Variants in USP49 observed in about 807,000 individuals in gnomAD.
USP49 encodes ubiquitin specific peptidase 49, also known as ubiquitin carboxyl-terminal hydrolase 49.
A neutral mutation model predicts 58.6 loss-of-function variants in USP49; 24 were observed. That is an observed-to-expected ratio of 0.41 (90% CI 0.30 to 0.58). The LOEUF is 0.58. USP49 is among the 20% of genes least tolerant of loss of function. USP49 has a pLI of 0.30. For missense variants in USP49, 703 were observed against 866.1 expected (o/e 0.81, Z 2.36); for synonymous variants, 408 against 365.1 (o/e 1.12, Z -1.34).
In USP49 at chr6:41,846,988, G is replaced by A. The variant is rs528977139; in HGVS notation, c.-29+24576C>T. ...AGGCAGACATCAGGGGGAGCAAGAG[G>A]TCAGAAAAAGGTTGAGAGATCCTGG... On this transcript the variant is annotated intron_variant, in intron 3 of 7. Coordinates refer to ENST00000682992, the MANE Select transcript of USP49 (RefSeq NM_001286554.2). Among the ~76,000 whole-genome samples the A allele has an allele frequency of 5.3e-5, 8 of 152,310 alleles. No homozygotes were observed. In the East Asian group the frequency reaches 1.5e-3, roughly 29 times the overall value.
intron 1 of USP49, among the ~76,000 whole-genome samples, chr6:41,894,847 T>C (rs1456249804): frequency 1.3e-5 from 2 of 151,986 alleles, no homozygotes; most frequent in Non-Finnish European, 2.9e-5. Flanking sequence ...ACTCCTCCTC[T>C]CCCTGGCTTC....
At chr6:41,808,157 G>T (rs1426831357) in intron 3 of USP49, among the ~76,000 whole-genome samples, 1 of 151,980 alleles carries the variant, frequency 6.6e-6, no homozygotes, top group Non-Finnish European at 1.5e-5. Context: ...GAAAGGAAAG[G>T]TAAGTAAAGA....
At position 41,806,277 on chromosome 6, in the gene USP49, G is replaced by A. The variant is rs777062976; in HGVS notation, c.707C>T (p.Pro236Leu). The A allele has an allele frequency of 2.5e-6, 4 of 1,603,374 alleles. No homozygotes were observed. The South Asian group carries it at 4.4e-5, about 18-fold the overall frequency. ...PAALPTSRRV[P>L]AATLKLRRQP... is the part of the protein sequence containing the mutation. ...GCGACGCAGCTTGAGTGTGGCGGCGGGCACTCTGCGTGAGGTAGGGAGGGC... is the reference window on the plus strand; with the variant it reads ...GCGACGCAGCTTGAGTGTGGCGGCGAGCACTCTGCGTGAGGTAGGGAGGGC... The change falls in exon 4 of 8, where the codon CCC becomes CTC. Residue 236 changes from proline (P) to leucine (L), a missense_variant. Pro to Leu is a moderately conservative substitution (Grantham distance 98). Around this residue, in one of 6 missense-constraint regions of USP49, gnomAD observed 376 missense variants for 373.5 expected, o/e 1.01. Transcript: ENST00000682992. The surrounding 1 kb of genome is among the most constrained non-coding windows in gnomAD (Gnocchi z 5.9).
In USP49 at chr6:41,792,934, G is replaced by A. The variant is rs1268510401; in HGVS notation, c.*3599C>T. The stretch of plus-strand genomic sequence containing the variant: ...AGAACAAACTCCATTTCTCCCTCCC[G>A]GCCAGCCCACCCTCCTCCCACCCAC... On this transcript the variant is annotated 3_prime_UTR_variant, in exon 8 of 8. Transcript: ENST00000682992. 6 of 144,814 alleles carry A rather than the reference G, an allele frequency of 4.1e-5. No individual in the cohort carries two copies. Among genetic ancestry groups the A allele is most frequent in the African/African-American group, 1.6e-4 (6 of 38,688 alleles). 9.0% of individuals were successfully genotyped at this position (144,814 alleles called of 1,614,324 possible). A position where few individuals can be genotyped will look rare whatever the true frequency, so the allele number is the denominator to read the frequency against.
At position 41,805,873 on chromosome 6, in the gene USP49, C is replaced by T. The variant is rs1485326911; in HGVS notation, c.1111G>A (p.Gly371Arg). Residue 371 changes from glycine (G) to arginine (R), a missense_variant, in exon 4 of 8, where the codon GGG becomes AGG. This residue lies in a region of USP49 where 66 missense variants were observed against 116.0 expected (regional missense o/e 0.57). Coordinates refer to ENST00000682992, the MANE Select transcript of USP49 (RefSeq NM_001286554.2). ...LHTLFRVMWS[G>R]KWALVSPFAM... ...AAGGGCGACACTAGGGCCCACTTCC[C>T]GGACCACATGACTCGGAAGAGGGTG... The T allele has an allele frequency of 1.2e-6, 2 of 1,613,974 alleles. No homozygotes were observed. Among genetic ancestry groups the T allele is most frequent in the South Asian group, 1.1e-5 (1 of 91,080 alleles).
chr6:41,870,030 CT>C (rs1284461626), intron 3 of USP49, among the ~76,000 whole-genome samples: 1 of 152,086 alleles, frequency 6.6e-6, no homozygotes, highest in Non-Finnish European at 1.5e-5. Flanking sequence ...AACTAAAAAG[CT>C]TTTGCCACCA....
chr6:41,806,347 G>C lies in USP49; in HGVS notation c.637C>G (p.Leu213Val). 6.5e-7 allele frequency: 1 copy of C among 1,530,050 alleles called. No individual in the cohort carries two copies. Among genetic ancestry groups the C allele is most frequent in the Non-Finnish European group, 8.7e-7 (1 of 1,150,180 alleles). 94.8% of individuals were successfully genotyped at this position (1,530,050 alleles called of 1,614,324 possible). The change falls in exon 4 of 8, where the codon CTG becomes GTG. Residue 213 changes from leucine (L) to valine (V), a missense_variant. By Grantham distance (32) the Leu-to-Val change is conservative. Coordinates refer to ENST00000682992, the MANE Select transcript of USP49 (RefSeq NM_001286554.2). This position sits in a 1 kb window ranked among gnomAD's most constrained non-coding sequence, Gnocchi z 5.9. ...TPPRKSARLL[L>V]HTPRDAGPAA... ...GGGCCCGCGTCGCGGGGCGTGTGCAGGAGCAGCCGTGCACTCTTGCGCGGA... is the reference window on the plus strand; with the variant it reads ...GGGCCCGCGTCGCGGGGCGTGTGCACGAGCAGCCGTGCACTCTTGCGCGGA...
At chr6:41,834,180 C>T (rs1395686103) in intron 3 of USP49, among the ~76,000 whole-genome samples, 2 of 152,132 alleles carry the variant, frequency 1.3e-5, no homozygotes, top group African/African-American at 2.4e-5. Flanking sequence ...AGATGTCTGA[C>T]CTATGATTCT....
At chr6:41,868,808 G>C (rs898220039) in intron 3 of USP49, 1 of 152,088 alleles carries the variant, frequency 6.6e-6, no homozygotes, top group African/African-American at 2.4e-5. Context: ...CTGTCGCCCA[G>C]GCTGGAGTAC....
At chr6:41,865,164 T>C (rs1774288570) in intron 3 of USP49, among the ~76,000 whole-genome samples, 1 of 151,906 alleles carries the variant, frequency 6.6e-6, no homozygotes, top group Non-Finnish European at 1.5e-5. Context: ...CCTGCCTCAG[T>C]CTCCCGAGTA....
intron 3 of USP49, among the ~76,000 whole-genome samples, chr6:41,852,287 T>G (rs1191885457): frequency 1.3e-5 from 2 of 152,102 alleles, no homozygotes; most frequent in Non-Finnish European, 2.9e-5. Flanking sequence ...ATTGTGCCCC[T>G]GCACTCCAGC....
chr6:41,847,806 C>G (rs1773949776), intron 3 of USP49, among the ~76,000 whole-genome samples: 1 of 152,000 alleles, frequency 6.6e-6, no homozygotes, highest in African/African-American at 2.4e-5. Context: ...ACAACACATT[C>G]TGAAATGCAC....
Position 41,796,373 on chromosome 6 carries a change from T to G in USP49, c.*160A>C. 1 of 537,518 alleles carries G rather than the reference T, an allele frequency of 1.9e-6. No homozygotes were observed. Among genetic ancestry groups the G allele is most frequent in the Non-Finnish European group, 3.4e-6 (1 of 298,260 alleles). 33.3% of individuals were successfully genotyped at this position (537,518 alleles called of 1,614,324 possible). A position where few individuals can be genotyped will look rare whatever the true frequency, so the allele number is the denominator to read the frequency against. ...CCAAACTCATTCAAAAGAAAGAGAC[T>G]ATAAAATTTACGACAGGACACGAAT... On this transcript the variant is annotated 3_prime_UTR_variant, in exon 8 of 8. Coordinates refer to ENST00000682992, the MANE Select transcript of USP49 (RefSeq NM_001286554.2).
At chr6:41,854,239 C>T (rs1275761137) in intron 3 of USP49, among the ~76,000 whole-genome samples, 1 of 150,506 alleles carries the variant, frequency 6.6e-6, no homozygotes, top group African/African-American at 2.5e-5. Context: ...ATCTCTTGAA[C>T]CCAGGAGGCG....
intron 3 of USP49, among the ~76,000 whole-genome samples, chr6:41,833,433 CT>C (rs1773671440): frequency 6.6e-6 from 1 of 152,200 alleles, no homozygotes; most frequent in Non-Finnish European, 1.5e-5. Flanking sequence ...TTCTTTTATT[CT>C]TTTGCTTCTC....
rs887970776 is a variant in USP49, at chr6:41,803,506, G to C, written c.1561+300C>G. On this transcript the variant is annotated intron_variant, in intron 5 of 7. Transcript: ENST00000682992. The surrounding 1 kb of genome is among the most constrained non-coding windows in gnomAD (Gnocchi z 4.1). ...TTTAGTAGAGACAGGGTTTCACCAT[G>C]TTGGTCAGGCTGGTCTCAAACTCCT... 2.4e-4 allele frequency among the ~76,000 whole-genome samples: 36 copies of C among 152,174 alleles called. No individual in the cohort carries two copies. Among genetic ancestry groups the C allele is most frequent in the African/African-American group, 8.4e-4 (35 of 41,446 alleles).
chr6:41,858,509 A>G (rs1774168309), intron 3 of USP49, among the ~76,000 whole-genome samples: 2 of 152,034 alleles, frequency 1.3e-5, no homozygotes, highest in African/African-American at 2.4e-5. Context: ...ATAATGACCA[A>G]TCAGGCCCTA....
At chr6:41,874,086 T>A (rs1774460582) in intron 2 of USP49, 1 of 152,200 alleles carries the variant, frequency 6.6e-6, no homozygotes, top group Non-Finnish European at 1.5e-5. Context: ...AGCTTACCTG[T>A]TACTGAAACA....
At chr6:41,817,148 T>A (rs1773366348) in intron 3 of USP49, among the ~76,000 whole-genome samples, 1 of 120,456 alleles carries the variant, frequency 8.3e-6, no homozygotes, top group East Asian at 2.3e-4. Context: ...CTCCCACGCA[T>A]GCTTTTTTTT....
Sources: allele counts gnomAD v4.1 joint callset (sites outside exome capture counted in the v4.1 genomes callset), GRCh38; gene constraint gnomAD v4.1.1; regional missense constraint gnomAD v4.1.1; non-coding constraint Gnocchi (gnomAD v3.1); transcripts MANE v1.5; gene names NCBI Gene and HGNC (gene_info 2026-07-23, HGNC 2026-07-21).